CRMP1: variants seen among roughly 807,000 people sequenced by gnomAD.
The protein encoded by CRMP1 is dihydropyrimidinase-related protein 1.
A neutral mutation model predicts 68.3 loss-of-function variants in CRMP1; 19 were observed. The ratio of observed to expected loss-of-function variants is 0.28; its 90% CI spans 0.19 to 0.41. The LOEUF (loss-of-function observed/expected upper bound fraction) is 0.41. Ranked by LOEUF, CRMP1 falls within the 10% of genes least tolerant of loss-of-function variation. CRMP1 has a pLI of 1.00. For missense variants in CRMP1, 791 were observed against 967.4 expected (o/e 0.82, Z 2.42); for synonymous variants, 439 against 399.6 (o/e 1.10, Z -1.18).
At chr4:5,868,273 A>ATATATATC (rs1714157547) in intron 1 of CRMP1, among the ~76,000 whole-genome samples, 2 of 36,792 alleles carry the variant, frequency 5.4e-5, no homozygotes, top group Admixed American at 2.2e-4. Flanking sequence ...ATATATATAT[A>ATATATATC]TATATATATA....
At chr4:5,827,682 G>T (rs1002202720) in intron 12 of CRMP1, among the ~76,000 whole-genome samples, 1 of 151,536 alleles carries the variant, frequency 6.6e-6, no homozygotes, top group African/African-American at 2.4e-5. Context: ...ACACGTGCAT[G>T]CATGTACACA....
In CRMP1 at chr4:5,843,830, CTG is replaced by C. The variant is rs1711979578; in HGVS notation, c.964-671_964-670del. Among the ~76,000 whole-genome samples, 1 of 152,206 alleles carries C rather than the reference CTG, an allele frequency of 6.6e-6. No homozygotes were observed. Among genetic ancestry groups the C allele is most frequent in the South Asian group, 2.1e-4 (1 of 4,822 alleles). ...TACTTCAGCTGCCTCTTCCTGGCATCTGTCTTTATGGCGGGAAACCACTACCT... is the reference window on the plus strand; with the variant it reads ...TACTTCAGCTGCCTCTTCCTGGCATCTCTTTATGGCGGGAAACCACTACCT... On this transcript the variant is annotated intron_variant, in intron 6 of 13. Transcript: ENST00000324989. The surrounding 1 kb of genome is among the most constrained non-coding windows in gnomAD (Gnocchi z 4.1).
At chr4:5,856,726 A>G (rs1158537012) in intron 3 of CRMP1, among the ~76,000 whole-genome samples, 2 of 151,698 alleles carry the variant, frequency 1.3e-5, no homozygotes, top group African/African-American at 4.9e-5. Flanking sequence ...CATCACTATC[A>G]TTATCGCTCA....
At chr4:5,873,354 A>G (rs1419567008) in intron 1 of CRMP1, among the ~76,000 whole-genome samples, 2 of 152,226 alleles carry the variant, frequency 1.3e-5, no homozygotes, top group East Asian at 1.9e-4. Context: ...CATCCTCACA[A>G]TGCCATAAAG....
Position 5,892,718 on chromosome 4 carries a change from C to T in CRMP1, c.252G>A (p.Thr84=). Residue 84 remains threonine, a synonymous_variant, in exon 1 of 14, where the codon ACG becomes ACA. Coordinates refer to ENST00000324989, the MANE Select transcript of CRMP1 (RefSeq NM_001014809.3). The surrounding 1 kb of genome is among the most constrained non-coding windows in gnomAD (Gnocchi z 8.6). ...CCGAGGGCTCGCTCACGTCGCTGGC[C>T]GTGTCCTCGCTGCCTCCCGGCCCTG... ...GLPGPGGSED[T]ASDVSEPSGS... is the part of the protein sequence containing the mutation. 2.4e-6 allele frequency: 3 copies of T among 1,229,478 alleles called. No individual in the cohort carries two copies. Among genetic ancestry groups the T allele is most frequent in the Non-Finnish European group, 3.0e-6 (3 of 985,662 alleles). The allele number at this position is 1,229,478 out of a possible 1,614,324, so 76.2% of individuals were successfully genotyped here.
intron 6 of CRMP1, among the ~76,000 whole-genome samples, chr4:5,846,301 A>T (rs1228936534): frequency 1.3e-5 from 2 of 152,144 alleles, no homozygotes; most frequent in African/African-American, 4.8e-5. Flanking sequence ...GTCTCAAAAA[A>T]ATTTAAAAAA....
rs1392376534 is a variant in CRMP1 at position 5,859,922 on chromosome 4, A to G, written c.655+1104T>C. Among the ~76,000 whole-genome samples, 1 of 152,052 alleles carries G rather than the reference A, an allele frequency of 6.6e-6. No individual in the cohort carries two copies. The highest frequency in any genetic ancestry group is 1.5e-5 in the Non-Finnish European group (1 of 68,008). ...GCCTCCTGAAACCGAAGAGCCTAAC[A>G]GTTGAAAGAACATTTACAATAAACT... On this transcript the variant is annotated intron_variant, in intron 3 of 13. Coordinates refer to ENST00000324989, the MANE Select transcript of CRMP1 (RefSeq NM_001014809.3). The surrounding 1 kb of genome is among the most constrained non-coding windows in gnomAD (Gnocchi z 5.2).
chr4:5,834,674 AC>A lies in CRMP1; in HGVS notation c.1623+1240del, dbSNP rs1335281412. ...CCCATTGCCTCTCCTATGTGCACAG[AC>A]CCCAAGCAGTGTGTACACACGTGAA... On this transcript the variant is annotated intron_variant, in intron 11 of 13. Transcript: ENST00000324989. This position sits in a 1 kb window ranked among gnomAD's most constrained non-coding sequence, Gnocchi z 4.3. Among the ~76,000 whole-genome samples, 12 of 152,310 alleles carry A rather than the reference AC, an allele frequency of 7.9e-5. No homozygotes were observed. The highest frequency in any genetic ancestry group is 2.6e-4 in the African/African-American group (11 of 41,560).
rs756137010 is a variant in CRMP1 at position 5,860,898 on chromosome 4, TG to T, written c.655+127del. On this transcript the variant is annotated intron_variant, in intron 3 of 13. Coordinates refer to ENST00000324989, the MANE Select transcript of CRMP1 (RefSeq NM_001014809.3). This position sits in a 1 kb window ranked among gnomAD's most constrained non-coding sequence, Gnocchi z 4.2. ...AAAACAGTGACCTGTGTCATAGGGCTGGGGGGAGAATGAAATCCAATGGCAC... is the reference window on the plus strand; with the variant it reads ...AAAACAGTGACCTGTGTCATAGGGCTGGGGGAGAATGAAATCCAATGGCAC... 121 of 916,762 alleles carry T rather than the reference TG, an allele frequency of 1.3e-4. No individual in the cohort carries two copies. Among genetic ancestry groups the T allele is most frequent in the Non-Finnish European group, 1.8e-4 (113 of 615,944 alleles). The allele number at this position is 916,762 out of a possible 1,614,324, so 56.8% of individuals were successfully genotyped here.
chr4:5,876,478 C>T (rs1714842211), intron 1 of CRMP1, among the ~76,000 whole-genome samples: 1 of 152,094 alleles, frequency 6.6e-6, no homozygotes, highest in Non-Finnish European at 1.5e-5. Flanking sequence ...AACTAACTGA[C>T]CAGTCTCTTC....
chr4:5,878,477 T>G (rs938848528), intron 1 of CRMP1, among the ~76,000 whole-genome samples: 2 of 152,164 alleles, frequency 1.3e-5, no homozygotes, highest in East Asian at 3.9e-4. Context: ...GCAAAAGGCT[T>G]TCTAGGGGAA....
Position 5,828,553 on chromosome 4 carries a change from C to A in CRMP1, c.1739G>T (p.Gly580Val). The part of the protein sequence containing the change: ...DGNINVNKGM[G>V]RFIPRKAFPE... ...GAACGCCTTCCGCGGAATGAAGCGG[C>A]CCATGCCCTTGTTGACGTTGATGTT... The change falls in exon 12 of 14, where the codon GGC (glycine) becomes GTC (valine). Residue 580 changes from glycine (G) to valine (V), a missense_variant. Gly to Val is a moderately radical substitution (Grantham distance 109). Around this residue, in one of 3 missense-constraint regions of CRMP1, gnomAD observed 594 missense variants for 763.6 expected, o/e 0.78. Coordinates refer to ENST00000324989, the MANE Select transcript of CRMP1 (RefSeq NM_001014809.3). The A allele has an allele frequency of 6.2e-7, 1 of 1,614,230 alleles. No homozygotes were observed. The highest frequency in any genetic ancestry group is 1.3e-5 in the African/African-American group (1 of 75,066).
At position 5,889,964 on chromosome 4, in the gene CRMP1, G is replaced by T; in HGVS notation, c.381+2625C>A. 1 of 1,282,374 alleles carries T rather than the reference G, an allele frequency of 7.8e-7. No homozygotes were observed. The highest frequency in any genetic ancestry group is 1.0e-6 in the Non-Finnish European group (1 of 1,002,756). 79.4% of individuals were successfully genotyped at this position (1,282,374 alleles called of 1,614,324 possible). ...TTGAGGCTTACAGAGGTAAAATGATGTACCCCGGGTGCAAAACATATTAGC... is the reference window on the plus strand; with the variant it reads ...TTGAGGCTTACAGAGGTAAAATGATTTACCCCGGGTGCAAAACATATTAGC... On this transcript the variant is annotated intron_variant, in intron 1 of 13. Transcript: ENST00000324989. The surrounding 1 kb of genome is among the most constrained non-coding windows in gnomAD (Gnocchi z 4.5).
At chr4:5,828,805 G>C (rs993927676) in intron 11 of CRMP1, 137 bp from the exon 12 acceptor site, 26 of 1,075,044 alleles carry the variant, frequency 2.4e-5, no homozygotes, top group Admixed American at 2.0e-4. Context: ...ACCTTTTATT[G>C]ACTGTAATAT....
At position 5,873,784 on chromosome 4, in the gene CRMP1, G is replaced by T. The variant is rs142904375; in HGVS notation, c.382-7028C>A. Among the ~76,000 whole-genome samples, 338 of 152,262 alleles carry T rather than the reference G, an allele frequency of 2.2e-3. 3 individuals are homozygous for T. The highest frequency in any genetic ancestry group is 7.8e-3 in the African/African-American group (325 of 41,562). On this transcript the variant is annotated intron_variant, in intron 1 of 13. Transcript: ENST00000324989. ...GTCAGAAGCAGCCTGGCATGCCTGG[G>T]GATCTGTAAGTGGTCTTCTTTGGCT...
chr4:5,885,137 G>A (rs1028935674), intron 1 of CRMP1, among the ~76,000 whole-genome samples: 23 of 152,076 alleles, frequency 1.5e-4, no homozygotes, highest in African/African-American at 5.3e-4. Flanking sequence ...GAAAAAAGAG[G>A]AAGACACCAC....
At chr4:5,869,230 G>A (rs892459789) in intron 1 of CRMP1, among the ~76,000 whole-genome samples, 1 of 152,100 alleles carries the variant, frequency 6.6e-6, no homozygotes, top group African/African-American at 2.4e-5. Flanking sequence ...CGGGATTACA[G>A]GTGTGAGCCA....
rs1035397829 is a variant in CRMP1 at position 5,891,619 on chromosome 4, C to G, written c.381+970G>C. Among the ~76,000 whole-genome samples, 1 of 152,224 alleles carries G rather than the reference C, an allele frequency of 6.6e-6. No individual in the cohort carries two copies. The highest frequency in any genetic ancestry group is 1.5e-5 in the Non-Finnish European group (1 of 68,036). On this transcript the variant is annotated intron_variant, in intron 1 of 13. Coordinates refer to ENST00000324989, the MANE Select transcript of CRMP1 (RefSeq NM_001014809.3). The surrounding 1 kb of genome is among the most constrained non-coding windows in gnomAD (Gnocchi z 5.2). ...CAGGGACCTAGCGCCTACCCTGGGC[C>G]TGGCACCTAGCAGTTCTCCGGCATC...
chr4:5,865,922 C>A lies in CRMP1; in HGVS notation c.470+746G>T, dbSNP rs1311338604. 6.6e-6 allele frequency among the ~76,000 whole-genome samples: 1 copy of A among 152,156 alleles called. No homozygotes were observed. The highest frequency in any genetic ancestry group is 1.5e-5 in the Non-Finnish European group (1 of 68,032). On this transcript the variant is annotated intron_variant, in intron 2 of 13. Transcript: ENST00000324989. The surrounding 1 kb of genome is among the most constrained non-coding windows in gnomAD (Gnocchi z 4.1). ...GTGTCTGCAAGCCAGAAGGTGGTGT[C>A]TGCAAGCCAAGGAAGAACCTCAGGA...
Sources: gnomAD v4.1 joint callset for allele counts (sites outside exome capture counted in the v4.1 genomes callset) on GRCh38, gnomAD v4.1.1 for gene constraint, gnomAD v4.1.1 regional missense constraint, Gnocchi (gnomAD v3.1) non-coding constraint, MANE v1.5 for transcripts, NCBI Gene and HGNC (gene_info 2026-07-23, HGNC 2026-07-21) for gene names.